FLAD1: variants seen among roughly 807,000 people sequenced by gnomAD.
FLAD1 encodes flavin adenine dinucleotide synthetase 1.
Under a neutral mutation model 55.0 loss-of-function variants are expected in FLAD1, and 35 were observed. That is an observed-to-expected ratio of 0.64 (90% confidence interval 0.49 to 0.84). FLAD1 has a LOEUF of 0.84. Among genes scored for constraint, FLAD1 ranks in the 40% least tolerant of loss-of-function variants. The probability of loss-of-function intolerance (pLI) is 0.00; values close to 1 mark genes in which losing one functional copy is unlikely to be tolerated. For missense variants in FLAD1, 665 were observed against 742.6 expected (o/e 0.90, Z 1.21); for synonymous variants, 267 against 303.0 (o/e 0.88, Z 1.23).
rs1375520281 is a variant in FLAD1 at position 154,988,690 on chromosome 1, T to C, written c.958T>C (p.Tyr320His). ...TTCCTACCCTGACTGGGGCAGCAAC[T>C]ACTATCAGGTGAAGCTGACTCTAGA... ...LGSYPDWGSN[Y>H]YQVKLTLDSE... Residue 320 changes from tyrosine (Y) to histidine (H), a missense_variant, in exon 2 of 7, where the codon TAC becomes CAC. Physicochemically the swap from Tyr to His is moderately conservative, Grantham distance 83 (BLOSUM62 2). Coordinates refer to ENST00000292180, the MANE Select transcript of FLAD1 (RefSeq NM_025207.5). 1 of 1,614,184 alleles carries C rather than the reference T, an allele frequency of 6.2e-7. No homozygotes were observed. Among genetic ancestry groups the C allele is most frequent in the South Asian group, 1.1e-5 (1 of 91,082 alleles).
At chr1:154,989,789 C>A in intron 3 of FLAD1, 82 bp downstream of exon 3, 1 of 1,411,958 alleles carries the variant, frequency 7.1e-7, no homozygotes, top group Non-Finnish European at 9.4e-7. Flanking sequence ...AGGGGGTGTA[C>A]AGGTGGAGTT....
rs373610832 is a variant in FLAD1 at position 154,990,501 on chromosome 1, C to G, written c.1527C>G (p.Pro509=). 6 of 1,608,442 alleles carry G rather than the reference C, an allele frequency of 3.7e-6. No individual in the cohort carries two copies. The highest frequency in any genetic ancestry group is 4.2e-6 in the Non-Finnish European group (5 of 1,177,076). The change falls in exon 5 of 7, where the codon CCC becomes CCG. Residue 509 remains proline (P), a synonymous_variant. Coordinates refer to ENST00000292180, the MANE Select transcript of FLAD1 (RefSeq NM_025207.5). ...CPFSPTDPGW[P]AFMRINPLLD... Reference sequence around the variant, plus strand: ...TCAGCCCCACTGACCCAGGCTGGCCCGCATTCATGCGCATCAACCCACTGC... The same window carrying G: ...TCAGCCCCACTGACCCAGGCTGGCCGGCATTCATGCGCATCAACCCACTGC...
At chr1:154,990,111 AT>A (rs778638331) in intron 3 of FLAD1, 47 bp from the exon 4 acceptor site, 1 of 1,477,212 alleles carries the variant, frequency 6.8e-7, no homozygotes, top group Non-Finnish European at 9.5e-7. Context: ...CAGGGGAGCC[AT>A]TTCCTTGTCC....
chr1:154,986,019 C>CCG (rs369354584), intron 1 of FLAD1, among the ~76,000 whole-genome samples: 1 of 143,042 alleles, frequency 7.0e-6, no homozygotes, highest in Admixed American at 6.9e-5. Flanking sequence ...CTGCGCCCGG[C>CCG]TGTGTGTGTG....
intron 5 of FLAD1, among the ~76,000 whole-genome samples, chr1:154,991,945 A>G (rs1317651784): frequency 6.6e-6 from 1 of 151,360 alleles, no homozygotes; most frequent in Admixed American, 6.6e-5. Flanking sequence ...TTTCAAGACC[A>G]GCCTGACCAA....
At chr1:154,984,935 G>C (rs1657499036) in intron 1 of FLAD1, among the ~76,000 whole-genome samples, 1 of 151,014 alleles carries the variant, frequency 6.6e-6, no homozygotes, top group Admixed American at 6.6e-5. Flanking sequence ...CACAGTCACA[G>C]CTCACTGAAG....
At chr1:154,992,128 G>C (rs370876672) in intron 5 of FLAD1, among the ~76,000 whole-genome samples, 1 of 121,936 alleles carries the variant, frequency 8.2e-6, no homozygotes, top group African/African-American at 3.5e-5. Flanking sequence ...GGGTGACAGA[G>C]CAAGACTCCG....
At chr1:154,990,299 C>A (rs1379871056) in intron 4 of FLAD1, 40 bp from the exon 5 acceptor site, 1 of 1,613,384 alleles carries the variant, frequency 6.2e-7, no homozygotes, top group East Asian at 2.2e-5. Context: ...AGAAGCTTGA[C>A]AGAGCCCACG....
chr1:154,992,634 T>TG (rs1378359497), intron 5 of FLAD1, 79 bp from the exon 6 acceptor site: 5 of 1,613,962 alleles, frequency 3.1e-6, no homozygotes, highest in Non-Finnish European at 3.4e-6. Context: ...GAGCCATGGA[T>TG]GGGCCCCTTC....
At chr1:154,989,129 A>ATCACC (rs1657752984) in intron 2 of FLAD1, 1 of 710,690 alleles carries the variant, frequency 1.4e-6, no homozygotes, top group Admixed American at 3.0e-5. Flanking sequence ...GTGATCCTGC[A>ATCACC]TGGGGTGATG....
intron 1 of FLAD1, among the ~76,000 whole-genome samples, chr1:154,986,746 G>A (rs1431802766): frequency 1.8e-5 from 2 of 110,244 alleles, no homozygotes; most frequent in African/African-American, 7.4e-5. Flanking sequence ...TCTCACTGTC[G>A]CCTAGGCTAG....
chr1:154,989,419 C>T (rs924293795), intron 2 of FLAD1, 141 bp from the exon 3 acceptor site: 10 of 827,218 alleles, frequency 1.2e-5, no homozygotes, highest in African/African-American at 1.1e-4. Context: ...CAGGGCCTAG[C>T]GGGCAGCATG....
chr1:154,987,056 G>C (rs571218528), intron 1 of FLAD1, among the ~76,000 whole-genome samples: 2 of 150,186 alleles, frequency 1.3e-5, no homozygotes, highest in Non-Finnish European at 3.0e-5. Context: ...TTTGGTGACA[G>C]GGTCCCTGTC....
intron 1 of FLAD1, 168 bp from the exon 2 acceptor site, chr1:154,987,937 C>T: frequency 6.7e-7 from 1 of 1,491,052 alleles, no homozygotes; most frequent in Non-Finnish European, 8.9e-7. Context: ...TAAAACCAAA[C>T]AAATGGATTT....
intron 1 of FLAD1, among the ~76,000 whole-genome samples, 159 bp downstream of exon 1, chr1:154,984,225 C>T (rs567901292): frequency 6.6e-6 from 1 of 152,248 alleles, no homozygotes; most frequent in East Asian, 1.9e-4. Flanking sequence ...AATTAACCCT[C>T]ATTCTTTCAA....
chr1:154,992,460 T>G (rs1657922323), intron 5 of FLAD1: 52 of 1,007,366 alleles, frequency 5.2e-5, no homozygotes, highest in Non-Finnish European at 5.4e-5. Context: ...AAATAGACGG[T>G]TTCTCCCTGT....
intron 2 of FLAD1, chr1:154,989,118 G>A: frequency 1.3e-6 from 1 of 761,432 alleles, no homozygotes; most frequent in South Asian, 1.9e-5. Context: ...ACATTAAACA[G>A]GTGATCCTGC....
At chr1:154,992,559 A>C in intron 5 of FLAD1, 154 bp from the exon 6 acceptor site, 1 of 1,613,106 alleles carries the variant, frequency 6.2e-7, no homozygotes, top group Non-Finnish European at 8.5e-7. Context: ...CTCTTTGCAT[A>C]CATAGAGCAA....
Position 154,985,031 on chromosome 1 carries a change from ATTTTTTTTTTTTTTT to A in FLAD1, c.372+984_372+998del, listed in dbSNP as rs749772991. ...AGGTGTTAGCCGCCACACCTGGCTA[ATTTTTTTTTTTTTTT>A]TTTTTTTTTTTTTTTTTTCAGAAAC... is the stretch of plus-strand genomic sequence containing the variant. On this transcript the variant is annotated intron_variant, in intron 1 of 6. Transcript: ENST00000292180. 6.4e-4 allele frequency among the ~76,000 whole-genome samples: 21 copies of A among 32,584 alleles called. No individual in the cohort carries two copies. In the South Asian group the frequency reaches 0.011, roughly 17 times the overall value. 21.4% of individuals were successfully genotyped at this position (32,584 alleles called of 152,430 possible).
Sources: gnomAD v4.1 joint callset for allele counts (sites outside exome capture counted in the v4.1 genomes callset) on GRCh38, gnomAD v4.1.1 for gene constraint, MANE v1.5 for transcripts, NCBI Gene and HGNC (gene_info 2026-07-23, HGNC 2026-07-21) for gene names.